Variants in ADK observed in about 807,000 individuals in gnomAD.
ADK encodes the protein adenosine kinase.
Under a neutral mutation model 44.7 loss-of-function variants are expected in ADK, and 24 were observed. The observed-to-expected ratio is 0.54, with a 90% CI of 0.39 to 0.76. The LOEUF (loss-of-function observed/expected upper bound fraction) is 0.76, where lower values mean the gene tolerates loss of function less well. Ranked by LOEUF, ADK falls within the 30% of genes least tolerant of loss-of-function variation. The probability of loss-of-function intolerance (pLI) is 0.00; values close to 1 mark genes in which losing one functional copy is unlikely to be tolerated. For missense variants in ADK, 321 were observed against 425.1 expected, an observed-to-expected ratio of 0.76 and a Z score of 2.15; for synonymous variants, 128 against 142.6, an observed-to-expected ratio of 0.90 and a Z score of 0.73.
At chr10:74,302,105 G>GTTTTTTTTTTTTTTTTTTTT (rs1840065150) in intron 3 of ADK, among the ~76,000 whole-genome samples, 1 of 88,932 alleles carries the variant, frequency 1.1e-5, no homozygotes, top group African/African-American at 5.3e-5. Flanking sequence ...TTTTTTGTTT[G>GTTTTTTTTTTTTTTTTTTTT]TTTGTTTTTT....
intron 3 of ADK, among the ~76,000 whole-genome samples, chr10:74,257,053 A>G (rs182744770): frequency 2.1e-3 from 315 of 152,324 alleles, no homozygotes; most frequent in African/African-American, 7.0e-3. Context: ...TTTGTTAAAT[A>G]AAAGTGTGAT....
intron 7 of ADK, among the ~76,000 whole-genome samples, chr10:74,553,090 GAGA>G (rs549024426): frequency 1.1e-3 from 159 of 149,734 alleles, no homozygotes; most frequent in African/African-American, 3.8e-3. Flanking sequence ...TCATTTACCT[GAGA>G]AGAACAAAAA....
In ADK at chr10:74,328,334, G is replaced by T. The variant is rs193295929; in HGVS notation, c.273+13589G>T. Among the ~76,000 whole-genome samples, 15 of 152,166 alleles carry T rather than the reference G, an allele frequency of 9.9e-5. No individual in the cohort carries two copies. The East Asian group carries it at 2.9e-3, about 29-fold the overall frequency. On this transcript the variant is annotated intron_variant, in intron 4 of 10. Coordinates refer to ENST00000539909, the MANE Select transcript of ADK (RefSeq NM_006721.4). ...AATCTTCATATTAAAGATATAAGAG[G>T]TTTACATACTATGCTTACAATAGGC...
At chr10:74,328,801 T>G (rs1841109397) in intron 4 of ADK, among the ~76,000 whole-genome samples, 1 of 152,112 alleles carries the variant, frequency 6.6e-6, no homozygotes. Flanking sequence ...CCTCTTTTCT[T>G]TATAAATTAC....
chr10:74,656,796 A>G (rs1854503677), intron 9 of ADK, among the ~76,000 whole-genome samples: 1 of 152,228 alleles, frequency 6.6e-6, no homozygotes, highest in Non-Finnish European at 1.5e-5. Flanking sequence ...CTTTTAAGTA[A>G]ATAAATAAAT....
At chr10:74,196,946 C>A (rs905173748) in intron 1 of ADK, among the ~76,000 whole-genome samples, 4 of 152,220 alleles carry the variant, frequency 2.6e-5, no homozygotes, top group African/African-American at 9.6e-5. Flanking sequence ...ACTCTGCTTT[C>A]TGTGGTGTTA....
intron 6 of ADK, among the ~76,000 whole-genome samples, chr10:74,400,413 A>G (rs755841696): frequency 1.3e-5 from 2 of 152,214 alleles, no homozygotes; most frequent in Non-Finnish European, 2.9e-5. Flanking sequence ...GTGAACATTC[A>G]ACAAATATTT....
intron 6 of ADK, among the ~76,000 whole-genome samples, chr10:74,463,719 C>G (rs759685314): frequency 1.8e-4 from 28 of 151,898 alleles, no homozygotes; most frequent in Non-Finnish European, 3.7e-4. Flanking sequence ...TTTCTTTTTT[C>G]TCATTGTTAG....
At chr10:74,665,736 TGAGAGAGAGAGAGAGAGAGAGA>T (rs59620474) in intron 9 of ADK, among the ~76,000 whole-genome samples, 16 of 116,208 alleles carry the variant, frequency 1.4e-4, no homozygotes, top group Middle Eastern at 4.0e-3. Flanking sequence ...CCTTAGCTCT[TGAGAGAGAGAGAGAGAGAGAGA>T]GAGAGAGAGA....
chr10:74,684,273 T>C (rs1361744939), intron 10 of ADK, among the ~76,000 whole-genome samples: 1 of 152,234 alleles, frequency 6.6e-6, no homozygotes, highest in Non-Finnish European at 1.5e-5. Flanking sequence ...TAGATCAAGA[T>C]ATCAAGATTG....
chr10:74,494,085 T>C (rs1847593168), intron 6 of ADK, among the ~76,000 whole-genome samples: 1 of 152,196 alleles, frequency 6.6e-6, no homozygotes, highest in African/African-American at 2.4e-5. Context: ...GTCATTTTAA[T>C]TCTTTAAAAG....
chr10:74,223,674 T>C (rs930291855), intron 2 of ADK, among the ~76,000 whole-genome samples: 8 of 152,326 alleles, frequency 5.3e-5, no homozygotes, highest in African/African-American at 1.9e-4. Flanking sequence ...TATATGGTAC[T>C]GTGAAAGATC....
chr10:74,574,166 CTTTT>C (rs746368755), intron 7 of ADK, among the ~76,000 whole-genome samples: 1 of 134,920 alleles, frequency 7.4e-6, no homozygotes, highest in Non-Finnish European at 1.6e-5. Flanking sequence ...TACTTTCTTT[CTTTT>C]TTTTTTTTTT....
At chr10:74,159,198 A>T (rs1377555599) in intron 1 of ADK, among the ~76,000 whole-genome samples, 1 of 152,140 alleles carries the variant, frequency 6.6e-6, no homozygotes, top group East Asian at 1.9e-4. Context: ...TTCTATTTGC[A>T]TTTTTACTTT....
chr10:74,480,692 A>G (rs1194737847), intron 6 of ADK, among the ~76,000 whole-genome samples: 1 of 152,102 alleles, frequency 6.6e-6, no homozygotes, highest in Non-Finnish European at 1.5e-5. Context: ...TTTTACCAGG[A>G]TGTGTCTTAG....
chr10:74,220,139 AAAAAG>A (rs1396168778), intron 2 of ADK, among the ~76,000 whole-genome samples: 7 of 152,130 alleles, frequency 4.6e-5, no homozygotes, highest in African/African-American at 1.7e-4. Flanking sequence ...TAATAAAGAA[AAAAAG>A]AAAGAAGAAT....
At chr10:74,373,542 A>G (rs1842732931) in intron 4 of ADK, among the ~76,000 whole-genome samples, 1 of 152,196 alleles carries the variant, frequency 6.6e-6, no homozygotes, top group African/African-American at 2.4e-5. Flanking sequence ...AAGATATACA[A>G]ATGACTAAGG....
At chr10:74,685,618 C>T (rs753028312) in intron 10 of ADK, among the ~76,000 whole-genome samples, 24 of 152,160 alleles carry the variant, frequency 1.6e-4, no homozygotes, top group Non-Finnish European at 2.6e-4. Flanking sequence ...TTAGATCATT[C>T]TTCCATATTA....
chr10:74,668,246 T>C (rs150623511), intron 9 of ADK, among the ~76,000 whole-genome samples: 209 of 152,352 alleles, frequency 1.4e-3, no homozygotes, highest in African/African-American at 4.8e-3. Flanking sequence ...GACCTTTTCC[T>C]AAATCAGACT....
Sources: allele counts gnomAD v4.1 joint callset (sites outside exome capture counted in the v4.1 genomes callset), GRCh38; gene constraint gnomAD v4.1.1; transcripts MANE v1.5; gene names NCBI Gene and HGNC (gene_info 2026-07-23, HGNC 2026-07-21).